MAP4K3: variants seen among roughly 807,000 people sequenced by gnomAD.
MAP4K3 encodes mitogen-activated protein kinase kinase kinase kinase 3, also known as MAPK/ERK kinase kinase kinase 3.
MAP4K3 carries 94 observed loss-of-function variants against 143.5 expected under a neutral mutation model. The observed-to-expected ratio is 0.65, with a 90% CI of 0.55 to 0.78. The LOEUF is 0.78. Among genes scored for constraint, MAP4K3 ranks in the 30% least tolerant of loss-of-function variants. The pLI is 0.00. For synonymous variants in MAP4K3, 416 were observed against 347.2 expected (o/e 1.20, Z -2.20); for missense variants, 1,077 against 1,068.1 (o/e 1.01, Z -0.12).
At chr2:39,364,950 G>A (rs1665879138) in intron 2 of MAP4K3, among the ~76,000 whole-genome samples, 1 of 151,706 alleles carries the variant, frequency 6.6e-6, no homozygotes, top group Non-Finnish European at 1.5e-5. Flanking sequence ...AGACTTCAGA[G>A]CTTTTGTCAG....
At chr2:39,299,717 T>G (rs748168532) in intron 16 of MAP4K3, 26 bp downstream of exon 16, 1 of 1,391,212 alleles carries the variant, frequency 7.2e-7, no homozygotes, top group Non-Finnish European at 9.8e-7. Flanking sequence ...TGAATTTAAA[T>G]TAAGTTTTAA....
intron 2 of MAP4K3, among the ~76,000 whole-genome samples, chr2:39,370,597 T>G (rs1028869342): frequency 1.9e-4 from 29 of 152,194 alleles, no homozygotes; most frequent in Admixed American, 1.3e-3. Context: ...TTGGTACTTT[T>G]TTGCACTTTT....
chr2:39,276,209 C>G lies in MAP4K3; in HGVS notation c.1794+2198G>C, dbSNP rs113291977. ...TATATTGATAAAAGAATTAGTCACA[C>G]ATCCCGAAGGCACCCCAAACTCAGT... On this transcript the variant is annotated intron_variant, in intron 24 of 33. Coordinates refer to ENST00000263881, the MANE Select transcript of MAP4K3 (RefSeq NM_003618.4). Among the ~76,000 whole-genome samples, 199 of 152,286 alleles carry G rather than the reference C, an allele frequency of 1.3e-3. 3 individuals carry two copies. Among genetic ancestry groups the G allele is most frequent in the African/African-American group, 4.6e-3 (193 of 41,564 alleles).
At chr2:39,282,450 G>T in intron 22 of MAP4K3, 63 bp downstream of exon 22, 1 of 1,326,950 alleles carries the variant, frequency 7.5e-7, no homozygotes, top group Non-Finnish European at 1.1e-6. Context: ...AAAAACCTAA[G>T]CAAAGATAAC....
Position 39,427,856 on chromosome 2 carries a change from T to C in MAP4K3, c.96+9036A>G, listed in dbSNP as rs1445471367. On this transcript the variant is annotated intron_variant, in intron 1 of 33. Transcript: ENST00000263881. ...GGCATTCATTTATCTGTATCTTATA[T>C]ATGTGAAACATTATCTACCACATTT... is the stretch of plus-strand genomic sequence containing the variant. Among the ~76,000 whole-genome samples the C allele has an allele frequency of 3.9e-5, 6 of 152,234 alleles. No individual in the cohort carries two copies. The South Asian group carries it at 6.2e-4, about 16-fold the overall frequency.
chr2:39,385,605 G>A (rs548374208), intron 1 of MAP4K3, among the ~76,000 whole-genome samples: 3 of 125,476 alleles, frequency 2.4e-5, no homozygotes, highest in African/African-American at 9.9e-5. Context: ...CTATATATGA[G>A]TCCTTTGTCA....
intron 2 of MAP4K3, among the ~76,000 whole-genome samples, chr2:39,376,998 A>G (rs1461575985): frequency 1.3e-5 from 2 of 152,168 alleles, no homozygotes; most frequent in East Asian, 1.9e-4. Flanking sequence ...AATATGTATA[A>G]CTGGAAAATT....
chr2:39,360,947 A>C (rs912543660), intron 2 of MAP4K3, among the ~76,000 whole-genome samples: 11 of 152,188 alleles, frequency 7.2e-5, no homozygotes, highest in Non-Finnish European at 1.5e-4. Flanking sequence ...AATCAAAACA[A>C]TAACAGCTTA....
chr2:39,385,012 C>T (rs1666457526), intron 1 of MAP4K3, among the ~76,000 whole-genome samples: 1 of 152,160 alleles, frequency 6.6e-6, no homozygotes, highest in African/African-American at 2.4e-5. Flanking sequence ...CATCTTTAGA[C>T]TCTTCTTTCA....
At chr2:39,391,502 A>G (rs1464698722) in intron 1 of MAP4K3, among the ~76,000 whole-genome samples, 1 of 151,996 alleles carries the variant, frequency 6.6e-6, no homozygotes, top group Non-Finnish European at 1.5e-5. Flanking sequence ...TTGATTCTTC[A>G]TCTCCCACCA....
rs182444218 is a variant in MAP4K3 at position 39,382,647 on chromosome 2, A to G, written c.97-4524T>C. 1.1e-4 allele frequency among the ~76,000 whole-genome samples: 17 copies of G among 152,360 alleles called. No homozygotes were observed. The East Asian group carries it at 3.3e-3, about 29-fold the overall frequency. On this transcript the variant is annotated intron_variant, in intron 1 of 33. Coordinates refer to ENST00000263881, the MANE Select transcript of MAP4K3 (RefSeq NM_003618.4). ...AGCTAGTTGGTTATATAAAAATCATATAAAGAGTTTAAATACAAAACAAAA... is the reference window on the plus strand; with the variant it reads ...AGCTAGTTGGTTATATAAAAATCATGTAAAGAGTTTAAATACAAAACAAAA...
At chr2:39,267,312 G>T in intron 26 of MAP4K3, 65 bp from the exon 27 acceptor site, 2 of 1,231,572 alleles carry the variant, frequency 1.6e-6, no homozygotes, top group Non-Finnish European at 2.4e-6. Flanking sequence ...AAAAGCTACT[G>T]TTATAGATCA....
In MAP4K3 at chr2:39,272,387, C is replaced by T. The variant is rs753289252; in HGVS notation, c.1869G>A (p.Gln623=). Residue 623 remains glutamine (Q), a synonymous_variant, in exon 26 of 34, where the codon CAG becomes CAA. Coordinates refer to ENST00000263881, the MANE Select transcript of MAP4K3 (RefSeq NM_003618.4). ...GCCCTGGTAAATTATGGGAATAAAG[C>T]TGAGAAGCTTTACCTATAAAGAAAA... ...CLLSISGKAS[Q]LYSHNLPGLF... 1.1e-5 allele frequency: 17 copies of T among 1,612,744 alleles called. 1 individual carries two copies. The South Asian group carries it at 1.8e-4, about 17-fold the overall frequency.
intron 2 of MAP4K3, among the ~76,000 whole-genome samples, chr2:39,370,411 C>T (rs1666048574): frequency 6.6e-6 from 1 of 152,138 alleles, no homozygotes; most frequent in Non-Finnish European, 1.5e-5. Context: ...TGGGAAAAGG[C>T]ACCAGATAAA....
intron 14 of MAP4K3, 72 bp from the exon 15 acceptor site, chr2:39,308,077 CTT>C: frequency 9.3e-7 from 1 of 1,072,160 alleles, no homozygotes; most frequent in Non-Finnish European, 1.4e-6. Context: ...CAAAGGGAAA[CTT>C]TCACAAATGA....
intron 1 of MAP4K3, among the ~76,000 whole-genome samples, chr2:39,434,809 T>C (rs1665402253): frequency 6.6e-6 from 1 of 152,228 alleles, no homozygotes; most frequent in Non-Finnish European, 1.5e-5. Context: ...TTAGGATTAA[T>C]TAGAAAAATC....
intron 2 of MAP4K3, among the ~76,000 whole-genome samples, chr2:39,364,675 C>T (rs1398681896): frequency 6.6e-6 from 1 of 152,182 alleles, no homozygotes; most frequent in East Asian, 1.9e-4. Context: ...CGAGACCAGC[C>T]TGGCCAACAT....
At chr2:39,254,641 T>C (rs992469213) in intron 31 of MAP4K3, 121 bp from the exon 32 acceptor site, 5 of 648,790 alleles carry the variant, frequency 7.7e-6, no homozygotes, top group African/African-American at 3.6e-5. Context: ...AGCTATTCCA[T>C]ATTTATATGG....
In MAP4K3 at chr2:39,342,197, G is replaced by A. The variant is rs571260055; in HGVS notation, c.310+1191C>T. On this transcript the variant is annotated intron_variant, in intron 4 of 33. Coordinates refer to ENST00000263881, the MANE Select transcript of MAP4K3 (RefSeq NM_003618.4). ...TCTGTTGCCCAGGCTGTAGTCCAAC[G>A]GTGCAATCTTGGCTCACTGCAACCT... Among the ~76,000 whole-genome samples the A allele has an allele frequency of 6.6e-5, 10 of 151,474 alleles. No individual in the cohort carries two copies. The South Asian group carries it at 1.0e-3, about 16-fold the overall frequency.
Sources: allele counts gnomAD v4.1 joint callset (sites outside exome capture counted in the v4.1 genomes callset), GRCh38; gene constraint gnomAD v4.1.1; transcripts MANE v1.5; gene names NCBI Gene and HGNC (gene_info 2026-07-23, HGNC 2026-07-21).